KRT5: variants seen among roughly 807,000 people sequenced by gnomAD.
The protein encoded by KRT5 is keratin, type II cytoskeletal 5.
Under a neutral mutation model 44.0 loss-of-function variants are expected in KRT5, and 17 were observed. The observed-to-expected ratio is 0.39, with a 90% confidence interval of 0.26 to 0.58. KRT5 has a LOEUF of 0.58. KRT5 is among the 20% of genes least tolerant of loss of function. The probability of loss-of-function intolerance (pLI) is 0.61; values close to 1 mark genes in which losing one functional copy is unlikely to be tolerated. For synonymous variants in KRT5, 329 were observed against 312.8 expected, an observed-to-expected ratio of 1.05 and a Z score of -0.55; for missense variants, 737 against 785.5, an observed-to-expected ratio of 0.94 and a Z score of 0.74.
rs776555128 is a variant in KRT5, at chr12:52,515,147, C to T, written c.1568G>A (p.Gly523Asp). The change falls in exon 9 of 9, where the codon GGT becomes GAT. Residue 523 changes from glycine to aspartate, a missense_variant. Physicochemically the swap from Gly to Asp is moderately conservative, Grantham distance 94. This residue lies in a region of KRT5 where 344 missense variants were observed against 351.6 expected (regional missense o/e 0.98). Coordinates refer to ENST00000252242, the MANE Select transcript of KRT5 (RefSeq NM_000424.4). ...GGGLGGGLGG[G>D]LAGGSSGSYY... is the part of the protein sequence containing the mutation. ...GCTTCCACTGCTACCTCCGGCAAGA[C>T]CTCCACCGAGGCCGCCGCCAAGACC... 6 of 1,610,424 alleles carry T rather than the reference C, an allele frequency of 3.7e-6. No homozygotes were observed. The highest frequency in any genetic ancestry group is 5.1e-6 in the Non-Finnish European group (6 of 1,178,628).
At chr12:52,517,500 C>T (rs1938629640) in intron 5 of KRT5, 90 bp downstream of exon 5, 1 of 1,407,554 alleles carries the variant, frequency 7.1e-7, no homozygotes. Context: ...TCAGCAGGTT[C>T]CAGGAGCCCC....
At chr12:52,519,619 C>A (rs2280081) in intron 1 of KRT5, 123 bp downstream of exon 1, 1 of 1,094,092 alleles carries the variant, frequency 9.1e-7, no homozygotes, top group African/African-American at 1.5e-5. Flanking sequence ...CAGAAACAAA[C>A]GGAAACACAG....
At position 52,520,114 on chromosome 12, in the gene KRT5, G is replaced by A; in HGVS notation, c.183C>T (p.Gly61=). The part of the protein sequence containing the change: ...LAGACGVGGY[G]SRSLYNLGGS... ...CCCCCAGGTTGTAGAGGCTCCGGCT[G>A]CCATAGCCACCCACTCCACAAGCAC... The change falls in exon 1 of 9, where the codon GGC becomes GGT. Residue 61 remains glycine, a synonymous_variant. Transcript: ENST00000252242. 2 of 1,614,048 alleles carry A rather than the reference G, an allele frequency of 1.2e-6. No homozygotes were observed. The highest frequency in any genetic ancestry group is 2.2e-5 in the South Asian group (2 of 91,080).
At chr12:52,515,777 T>A in intron 8 of KRT5, 21 bp downstream of exon 8, 1 of 1,596,720 alleles carries the variant, frequency 6.3e-7, no homozygotes, top group Non-Finnish European at 8.6e-7. Flanking sequence ...TCGTTGTTAA[T>A]GTCTGTTCAA....
rs61297109 is a variant in KRT5, at chr12:52,517,691, G to T, written c.991C>A (p.Arg331Ser). 1.2e-6 allele frequency: 2 copies of T among 1,614,082 alleles called. No homozygotes were observed. Among genetic ancestry groups the T allele is most frequent in the Non-Finnish European group, 1.7e-6 (2 of 1,180,036 alleles). Residue 331 changes from arginine to serine, a missense_variant, in exon 5 of 9, where the codon CGC becomes AGC. Transcript: ENST00000252242. Reference sequence around the variant, plus strand: ...ATGATGCTATCCAGGTCCAGGTTGCGGTTGTTGTCCATGGAGAGGACCACT... The same window carrying T: ...ATGATGCTATCCAGGTCCAGGTTGCTGTTGTTGTCCATGGAGAGGACCACT... ...TSVVLSMDNN[R>S]NLDLDSIIAE...
intron 7 of KRT5, chr12:52,516,256 C>T (rs12228527): frequency 0.14 from 53,151 of 391,842 alleles, 4,029 homozygotes; most frequent in African/African-American, 0.18. Context: ...CTGAGTTTAA[C>T]TCAGCTGGAG....
chr12:52,517,520 G>T, intron 5 of KRT5, 70 bp downstream of exon 5: 1 of 1,532,906 alleles, frequency 6.5e-7, no homozygotes, highest in Non-Finnish European at 9.0e-7. Context: ...CATTCTTAGT[G>T]TCGTCATGGC....
In KRT5 at chr12:52,518,266, G is replaced by C. The variant is rs917177239; in HGVS notation, c.771-103C>G. On this transcript the variant is annotated intron_variant, in intron 2 of 8. Transcript: ENST00000252242. The stretch of plus-strand genomic sequence containing the variant: ...AAGCCTACTTTTGCAGTGGGAAGGG[G>C]CTTCTCCTCATAGGCAGAGAGGGAG... The C allele has an allele frequency of 6.9e-5, 75 of 1,091,302 alleles. No homozygotes were observed. In the East Asian group the frequency reaches 1.7e-3, roughly 25 times the overall value. 67.6% of individuals were successfully genotyped at this position (1,091,302 alleles called of 1,614,324 possible).
chr12:52,518,474 CT>C (rs1938652985), intron 2 of KRT5: 3 of 590,894 alleles, frequency 5.1e-6, no homozygotes, highest in Non-Finnish European at 3.2e-6. Flanking sequence ...CTCTAGTGTT[CT>C]TTTTTGAGCT....
intron 4 of KRT5, 54 bp downstream of exon 4, chr12:52,517,843 A>G: frequency 6.2e-7 from 1 of 1,608,980 alleles, no homozygotes; most frequent in Non-Finnish European, 8.5e-7. Flanking sequence ...TTGTGATATG[A>G]CAACTTGAGG....
intron 2 of KRT5, chr12:52,518,406 G>T: frequency 1.5e-6 from 1 of 649,866 alleles, no homozygotes; most frequent in African/African-American, 1.8e-5. Context: ...GTTGTTTCAA[G>T]CAGATTCCTG....
intron 7 of KRT5, chr12:52,516,344 G>T: frequency 2.2e-6 from 1 of 454,522 alleles, no homozygotes; most frequent in Non-Finnish European, 4.1e-6. Context: ...TGGATATTGA[G>T]GTTGAGCAAA....
rs1044552514 is a variant in KRT5 at position 52,514,995 on chromosome 12, T to C, written c.1720A>G (p.Ser574Gly). 6.2e-7 allele frequency: 1 copy of C among 1,612,536 alleles called. No individual in the cohort carries two copies. The highest frequency in any genetic ancestry group is 8.5e-7 in the Non-Finnish European group (1 of 1,179,788). ...GAGGTGGTGGAGACAAATTTGACGC[T>C]GGAGCTGCTACCCCCGCCACTGCCA... Reference protein sequence around the residue: ...GFGSGGGSSSSVKFVSTTSSS... With the variant: ...GFGSGGGSSSGVKFVSTTSSS... Residue 574 changes from serine (S) to glycine (G), a missense_variant, in exon 9 of 9, where the codon AGC becomes GGC. Physicochemically the swap from Ser to Gly is moderately conservative, Grantham distance 56 (BLOSUM62 0). This residue lies in a region of KRT5 where 344 missense variants were observed against 351.6 expected (regional missense o/e 0.98). Transcript: ENST00000252242.
chr12:52,514,986 A>G lies in KRT5; in HGVS notation c.1729T>C (p.Phe577Leu). 1 of 1,613,038 alleles carries G rather than the reference A, an allele frequency of 6.2e-7. No individual in the cohort carries two copies. Among genetic ancestry groups the G allele is most frequent in the Non-Finnish European group, 8.5e-7 (1 of 1,179,850 alleles). The change falls in exon 9 of 9, where the codon TTT (phenylalanine) becomes CTT (leucine). Residue 577 changes from phenylalanine to leucine, a missense_variant. Phe to Leu is a conservative substitution (Grantham distance 22). Transcript: ENST00000252242. ...CGGGAGGAGGAGGTGGTGGAGACAA[A>G]TTTGACGCTGGAGCTGCTACCCCCG... is the stretch of plus-strand genomic sequence containing the variant. ...SGGGSSSSVK[F>L]VSTTSSSRKS...
chr12:52,519,988 A>T lies in KRT5; in HGVS notation c.309T>A (p.Ser103Arg). Reference protein sequence around the residue: ...GGYGFGGGAGSGFGFGGGAGG... With the variant: ...GGYGFGGGAGRGFGFGGGAGG... ...CAGCTCCACCGCCGAAACCAAATCC[A>T]CTACCGGCACCACCTCCAAAGCCAT... Residue 103 changes from serine to arginine, a missense_variant, in exon 1 of 9, where the codon AGT (serine) becomes AGA (arginine). Physicochemically the swap from Ser to Arg is moderately radical, Grantham distance 110 (BLOSUM62 -1). Transcript: ENST00000252242. The T allele has an allele frequency of 6.2e-7, 1 of 1,613,444 alleles. No homozygotes were observed. The highest frequency in any genetic ancestry group is 8.5e-7 in the Non-Finnish European group (1 of 1,179,862).
At position 52,516,746 on chromosome 12, in the gene KRT5, G is replaced by T; in HGVS notation, c.1330C>A (p.Gln444Lys). 1 of 1,614,198 alleles carries T rather than the reference G, an allele frequency of 6.2e-7. No individual in the cohort carries two copies. The highest frequency in any genetic ancestry group is 8.5e-7 in the Non-Finnish European group (1 of 1,180,030). ...ELEEALQKAK[Q>K]DMARLLREYQ... ...TCACGCAGCAGCCGGGCCATGTCCTGCTTGGCCTTCTGCAGGGCCTCCTCC... is the reference window on the plus strand; with the variant it reads ...TCACGCAGCAGCCGGGCCATGTCCTTCTTGGCCTTCTGCAGGGCCTCCTCC... The change falls in exon 7 of 9, where the codon CAG (glutamine) becomes AAG (lysine). Residue 444 changes from glutamine to lysine, a missense_variant. Gln to Lys is a moderately conservative substitution (Grantham distance 53). Transcript: ENST00000252242.
chr12:52,519,638 A>T, intron 1 of KRT5, 104 bp downstream of exon 1: 1 of 1,213,844 alleles, frequency 8.2e-7, no homozygotes, highest in Non-Finnish European at 1.2e-6. Flanking sequence ...AGAACTGTAC[A>T]ACTATAAAAG....
At position 52,519,014 on chromosome 12, in the gene KRT5, C is replaced by T. The variant is rs149863112; in HGVS notation, c.702G>A (p.Val234=). The T allele has an allele frequency of 9.3e-6, 15 of 1,614,208 alleles. No homozygotes were observed. The highest frequency in any genetic ancestry group is 1.3e-5 in the African/African-American group (1 of 75,058). ...NNLRRQLDSI[V]GERGRLDSEL... is the part of the protein sequence containing the mutation. ...CTGAGTCCAGGCGGCCCCGTTCCCC[C>T]ACGATGCTGTCCAGCTGCCTCCTGA... Residue 234 remains valine (V), a synonymous_variant, in exon 2 of 9, where the codon GTG becomes GTA. Transcript: ENST00000252242.
At chr12:52,518,220 C>A in intron 2 of KRT5, 57 bp from the exon 3 acceptor site, 2 of 1,516,678 alleles carry the variant, frequency 1.3e-6, no homozygotes, top group Non-Finnish European at 1.8e-6. Context: ...GGTAAGGGGT[C>A]TTTATTATGC....
Sources: allele counts gnomAD v4.1 joint callset, GRCh38; gene constraint gnomAD v4.1.1; regional missense constraint gnomAD v4.1.1; transcripts MANE v1.5; gene names NCBI Gene and HGNC (gene_info 2026-07-23, HGNC 2026-07-21).